The following TMEM242 variants were observed in gnomAD, a reference collection of about 807,000 sequenced individuals.
TMEM242 encodes the protein UPF0463 transmembrane protein C6orf35.
In TMEM242, 10 loss-of-function variants were observed where a neutral mutation model predicts 18.2. That is an observed-to-expected ratio of 0.55 (90% CI 0.34 to 0.93). The LOEUF is 0.93. Among genes scored for constraint, TMEM242 ranks in the 40% least tolerant of loss-of-function variants. The probability of loss-of-function intolerance (pLI) is 0.02; values close to 1 mark genes in which losing one functional copy is unlikely to be tolerated. For missense variants in TMEM242, 186 were observed against 175.5 expected, an observed-to-expected ratio of 1.06 and a Z score of -0.34; for synonymous variants, 57 against 69.9, an observed-to-expected ratio of 0.81 and a Z score of 0.92.
chr6:157,295,509 A>C (rs1352105821), intron 3 of TMEM242, among the ~76,000 whole-genome samples: 1 of 152,160 alleles, frequency 6.6e-6, no homozygotes, highest in Non-Finnish European at 1.5e-5. Context: ...GAACAGAATC[A>C]TTCACCAGTC....
chr6:157,311,232 C>A (rs868953673), intron 3 of TMEM242, among the ~76,000 whole-genome samples: 1 of 113,660 alleles, frequency 8.8e-6, no homozygotes, highest in Non-Finnish European at 2.0e-5. Flanking sequence ...CTAGCCTCAT[C>A]ATAGTGTCCC....
At chr6:157,310,522 C>A (rs1583562457) in intron 3 of TMEM242, among the ~76,000 whole-genome samples, 1 of 42,168 alleles carries the variant, frequency 2.4e-5, no homozygotes, top group Admixed American at 2.2e-4. Context: ...ACTCACCTGG[C>A]CTCATCATGG....
Position 157,290,672 on chromosome 6 carries a change from C to T in TMEM242, c.*2229G>A, listed in dbSNP as rs1234373774. ...GACGAAATCTACTGATATTCAAGTT[C>T]TGACTGTGAAAAACACCACTTGAGT... On this transcript the variant is annotated 3_prime_UTR_variant, in exon 4 of 4. Coordinates refer to ENST00000400788, the MANE Select transcript of TMEM242 (RefSeq NM_018452.6). 1.3e-5 allele frequency: 2 copies of T among 152,206 alleles called. No individual in the cohort carries two copies. The highest frequency in any genetic ancestry group is 2.4e-5 in the African/African-American group (1 of 41,458). The allele number at this position is 152,206 out of a possible 1,614,324, so 9.4% of individuals were successfully genotyped here.
chr6:157,321,432 T>C (rs1778495114), intron 2 of TMEM242, among the ~76,000 whole-genome samples: 1 of 152,214 alleles, frequency 6.6e-6, no homozygotes, highest in Admixed American at 6.5e-5. Flanking sequence ...CTTTAAAAAA[T>C]ACAGGTACTT....
intron 3 of TMEM242, among the ~76,000 whole-genome samples, chr6:157,294,382 GCT>G (rs1554247082): frequency 7.1e-6 from 1 of 140,288 alleles, no homozygotes; most frequent in African/African-American, 2.7e-5. Context: ...ACGGAGTCTG[GCT>G]CTGTCGCCCA....
chr6:157,303,067 AC>A (rs1191067329), intron 3 of TMEM242, among the ~76,000 whole-genome samples: 1 of 152,262 alleles, frequency 6.6e-6, no homozygotes, highest in Non-Finnish European at 1.5e-5. Context: ...TCACCACTGT[AC>A]TTTGTACCTC....
At chr6:157,309,342 T>C (rs1554248130) in intron 3 of TMEM242, among the ~76,000 whole-genome samples, 1 of 152,160 alleles carries the variant, frequency 6.6e-6, no homozygotes, top group African/African-American at 2.4e-5. Flanking sequence ...TCTTTTTTTT[T>C]CTGTTTTGAA....
intron 3 of TMEM242, among the ~76,000 whole-genome samples, chr6:157,313,827 G>A (rs202210603): frequency 3.2e-3 from 224 of 69,008 alleles, no homozygotes; most frequent in Middle Eastern, 0.012. Context: ...CCCAGTGTGC[G>A]CTCACCTAGC....
intron 3 of TMEM242, among the ~76,000 whole-genome samples, chr6:157,310,717 C>A: frequency 6.6e-6 from 1 of 151,794 alleles, no homozygotes; most frequent in Non-Finnish European, 1.5e-5. Context: ...CCAGTGTGCA[C>A]TCAGCTAGCC....
rs1777980237 is a variant in TMEM242, at chr6:157,310,233, A to C, written c.327+8549T>G. Among the ~76,000 whole-genome samples the C allele has an allele frequency of 3.9e-5, 6 of 152,216 alleles. No individual in the cohort carries two copies. In the South Asian group the frequency reaches 1.2e-3, roughly 32 times the overall value. ...TGAGTCACATGTAAATAACCATGTA[A>C]ACAGCAAGGCTTCTTTTTCTTCTTT... is the stretch of plus-strand genomic sequence containing the variant. On this transcript the variant is annotated intron_variant, in intron 3 of 3. Transcript: ENST00000400788.
chr6:157,320,015 T>C (rs1295957799), intron 2 of TMEM242, among the ~76,000 whole-genome samples: 1 of 152,214 alleles, frequency 6.6e-6, no homozygotes, highest in Non-Finnish European at 1.5e-5. Context: ...TTATCAATGT[T>C]AGAAAAGACC....
intron 3 of TMEM242, among the ~76,000 whole-genome samples, chr6:157,296,428 T>C (rs1777750382): frequency 6.6e-6 from 1 of 152,216 alleles, no homozygotes; most frequent in African/African-American, 2.4e-5. Context: ...GGCTCACGCC[T>C]GTAATCTCAA....
chr6:157,309,954 T>G (rs1777972656), intron 3 of TMEM242, among the ~76,000 whole-genome samples: 1 of 152,168 alleles, frequency 6.6e-6, no homozygotes, highest in Non-Finnish European at 1.5e-5. Flanking sequence ...CAATGTTCAT[T>G]CTGCCAGTCC....
intron 3 of TMEM242, among the ~76,000 whole-genome samples, chr6:157,312,902 C>A (rs1554249502): frequency 2.0e-5 from 3 of 151,174 alleles, no homozygotes; most frequent in African/African-American, 7.3e-5. Flanking sequence ...CATAGTGTCC[C>A]ACTGTGCGCT....
chr6:157,315,693 ATT>A (rs1275283123), intron 3 of TMEM242, among the ~76,000 whole-genome samples: 1 of 152,116 alleles, frequency 6.6e-6, no homozygotes, highest in Non-Finnish European at 1.5e-5. Flanking sequence ...ACCAGAAAAT[ATT>A]TTTTCTCCCC....
intron 3 of TMEM242, among the ~76,000 whole-genome samples, chr6:157,314,416 G>C (rs1012964561): frequency 2.2e-3 from 19 of 8,710 alleles, no homozygotes; most frequent in African/African-American, 7.5e-3. Flanking sequence ...CAAACCCAAA[G>C]TAAATGTTCA....
At chr6:157,297,147 A>T (rs1043706023) in intron 3 of TMEM242, among the ~76,000 whole-genome samples, 1 of 152,228 alleles carries the variant, frequency 6.6e-6, no homozygotes, top group Non-Finnish European at 1.5e-5. Context: ...TGGGGCAAAT[A>T]TCATCCCTCC....
In TMEM242 at chr6:157,293,004, A is replaced by G. The variant is rs2128412486; in HGVS notation, c.328-5T>C. 8 of 1,602,908 alleles carry G rather than the reference A, an allele frequency of 5.0e-6. No homozygotes were observed. The highest frequency in any genetic ancestry group is 6.8e-6 in the Non-Finnish European group (8 of 1,169,982). On this transcript the variant is annotated splice_polypyrimidine_tract_variant and splice_region_variant and intron_variant, in intron 3 of 3. Transcript: ENST00000400788. ...TTTACTTCGAAAGTCGTTCATCTAA[A>G]AGAAGAAAAATAATCAGTTATCAAA...
chr6:157,299,730 T>C, intron 3 of TMEM242: 1 of 1,604,976 alleles, frequency 6.2e-7, no homozygotes, highest in Non-Finnish European at 8.5e-7. Context: ...CCTTCTGTGA[T>C]AATCACTAGG....
Sources: allele counts gnomAD v4.1 joint callset (sites outside exome capture counted in the v4.1 genomes callset), GRCh38; gene constraint gnomAD v4.1.1; transcripts MANE v1.5; gene names NCBI Gene and HGNC (gene_info 2026-07-23, HGNC 2026-07-21).